Variants in PCDH11X observed in about 807,000 individuals in gnomAD.
The protein encoded by PCDH11X is protocadherin-11 X-linked.
In PCDH11X, 18 loss-of-function variants were observed where a neutral mutation model predicts 53.3. The observed-to-expected ratio is 0.34, with a 90% CI of 0.23 to 0.50. The LOEUF (loss-of-function observed/expected upper bound fraction) is 0.50, where lower values mean the gene tolerates loss of function less well. Ranked by LOEUF, PCDH11X falls within the 20% of genes least tolerant of loss-of-function variation. PCDH11X has a pLI of 0.98. For missense variants in PCDH11X, 570 were observed against 1,032.4 expected (o/e 0.55, Z 6.14); for synonymous variants, 279 against 393.3 (o/e 0.71, Z 3.44).
intron 10 of PCDH11X, among the ~76,000 whole-genome samples, chrX:92,486,673 C>A (rs2073647640): frequency 1.8e-5 from 2 of 111,477 alleles, no homozygotes; most frequent in Non-Finnish European, 3.8e-5. Flanking sequence ...ATTTTCTCTG[C>A]TGTATCCATT....
chrX:92,613,948 A>G (rs771648863), intron 10 of PCDH11X, among the ~76,000 whole-genome samples: 45 of 110,023 alleles, frequency 4.1e-4, no homozygotes, highest in Non-Finnish European at 7.8e-4. Flanking sequence ...TAAAGCTTTC[A>G]ATTGTATTTT....
chrX:92,379,982 C>CG (rs1287899689), intron 8 of PCDH11X, among the ~76,000 whole-genome samples: 2 of 101,237 alleles, frequency 2.0e-5, no homozygotes, highest in Non-Finnish European at 4.1e-5. Context: ...ACCACCCCCC[C>CG]CACCCCAACT....
chrX:91,781,923 G>C, intron 1 of PCDH11X, among the ~76,000 whole-genome samples: 1 of 112,380 alleles, frequency 8.9e-6, no homozygotes, highest in South Asian at 3.7e-4. Flanking sequence ...CGCTGCAGCT[G>C]CCAGGTCGCC....
At chrX:92,316,412 A>G (rs2069077543) in intron 8 of PCDH11X, among the ~76,000 whole-genome samples, 1 of 109,716 alleles carries the variant, frequency 9.1e-6, no homozygotes. Flanking sequence ...TTATTTTTCA[A>G]AAGGAGTTCC....
chrX:92,457,870 G>A (rs1421366580), intron 9 of PCDH11X, among the ~76,000 whole-genome samples: 2 of 105,807 alleles, frequency 1.9e-5, no homozygotes, highest in East Asian at 3.0e-4. Flanking sequence ...TAAAAAACAT[G>A]CTTTCATATA....
chrX:92,490,951 G>A (rs1319539249), intron 10 of PCDH11X, among the ~76,000 whole-genome samples: 2 of 107,453 alleles, frequency 1.9e-5, no homozygotes, highest in Admixed American at 1.0e-4. Context: ...GAATTTGACA[G>A]CCAAATGACT....
chrX:92,571,983 G>A (rs1281748938), intron 10 of PCDH11X, among the ~76,000 whole-genome samples: 1 of 111,874 alleles, frequency 8.9e-6, no homozygotes, highest in Non-Finnish European at 1.9e-5. Flanking sequence ...TTTGATATGT[G>A]GAAAAAATAA....
At chrX:91,791,719 C>A in intron 1 of PCDH11X, among the ~76,000 whole-genome samples, 1 of 96,898 alleles carries the variant, frequency 1.0e-5, no homozygotes, top group African/African-American at 4.0e-5. Flanking sequence ...CCAAAATATA[C>A]AAAAAGGAAA....
At chrX:92,301,815 A>T (rs1353135830) in intron 8 of PCDH11X, among the ~76,000 whole-genome samples, 2 of 109,898 alleles carry the variant, frequency 1.8e-5, no homozygotes. Context: ...TGACTCTTCT[A>T]TTTTTTAAGG....
At chrX:92,460,806 C>G (rs917219413) in intron 9 of PCDH11X, 1 of 1,141,454 alleles carries the variant, frequency 8.8e-7, no homozygotes, top group African/African-American at 1.8e-5. Flanking sequence ...CTACCGCCGC[C>G]TGCTGGAAGA....
rs146527733 is a variant in PCDH11X, at chrX:92,085,231, G to A, written c.3034-116144G>A. 9.0e-4 allele frequency among the ~76,000 whole-genome samples: 99 copies of A among 110,505 alleles called. 1 individual carries two copies. The highest frequency in any genetic ancestry group is 3.1e-3 in the African/African-American group (93 of 30,396). On this transcript the variant is annotated intron_variant, in intron 6 of 10. Coordinates refer to ENST00000682573, the MANE Select transcript of PCDH11X (RefSeq NM_032968.5). ...GTGTCTTGTGATTGGCTGAAACTTC[G>A]CTCTTTGCTACAAAATATACATCTA...
chrX:92,376,036 G>A (rs757106284), intron 8 of PCDH11X, among the ~76,000 whole-genome samples: 2 of 111,488 alleles, frequency 1.8e-5, no homozygotes, highest in South Asian at 7.5e-4. Flanking sequence ...GTGCATGTGT[G>A]TGTGTATTCT....
At chrX:92,101,858 G>C (rs2064260677) in intron 6 of PCDH11X, among the ~76,000 whole-genome samples, 1 of 110,959 alleles carries the variant, frequency 9.0e-6, no homozygotes, top group South Asian at 3.8e-4. Flanking sequence ...ATGGAACACT[G>C]GGAAGTTATT....
chrX:92,332,855 T>C (rs1268338489), intron 8 of PCDH11X, among the ~76,000 whole-genome samples: 1 of 112,039 alleles, frequency 8.9e-6, no homozygotes, highest in Non-Finnish European at 1.9e-5. Flanking sequence ...AAAATGGATG[T>C]TTCAGTAGAC....
chrX:92,255,112 C>T (rs2067543660), intron 7 of PCDH11X, among the ~76,000 whole-genome samples: 2 of 104,944 alleles, frequency 1.9e-5, no homozygotes, highest in East Asian at 3.0e-4. Flanking sequence ...TCACATAGTC[C>T]CATATTTCTT....
intron 7 of PCDH11X, among the ~76,000 whole-genome samples, chrX:92,239,157 C>A (rs1298633674): frequency 1.8e-5 from 2 of 111,350 alleles, no homozygotes; most frequent in East Asian, 5.6e-4. Context: ...GTGAATCACT[C>A]CTTAAATATT....
At chrX:91,834,750 G>A (rs1224456421) in intron 4 of PCDH11X, 1 of 107,994 alleles carries the variant, frequency 9.3e-6, no homozygotes, top group East Asian at 2.9e-4. Flanking sequence ...AAGCAGTTAT[G>A]TCAATCTGAA....
intron 5 of PCDH11X, among the ~76,000 whole-genome samples, chrX:91,861,659 A>G (rs779353844): frequency 2.9e-4 from 32 of 111,941 alleles, no homozygotes; most frequent in Middle Eastern, 4.6e-3. Flanking sequence ...TCCAACCCAA[A>G]CGGCTGCTGA....
intron 6 of PCDH11X, among the ~76,000 whole-genome samples, chrX:92,072,453 C>G (rs1403388221): frequency 9.0e-6 from 1 of 111,542 alleles, no homozygotes; most frequent in African/African-American, 3.3e-5. Flanking sequence ...CTGTGTAGTA[C>G]CTGGGTATCA....
Sources: allele counts gnomAD v4.1 joint callset (sites outside exome capture counted in the v4.1 genomes callset), GRCh38; gene constraint gnomAD v4.1.1; transcripts MANE v1.5; gene names NCBI Gene and HGNC (gene_info 2026-07-23, HGNC 2026-07-21).